Variants in UPP2 observed in about 807,000 individuals in gnomAD.
UPP2 encodes the protein UPase 2.
In UPP2, 23 loss-of-function variants were observed where a neutral mutation model predicts 26.7. The observed-to-expected ratio is 0.86, with a 90% CI of 0.62 to 1.22. The LOEUF (loss-of-function observed/expected upper bound fraction) is 1.22, where lower values mean the gene tolerates loss of function less well. Among genes scored for constraint, UPP2 ranks in the 50% most tolerant of loss-of-function variants. The probability of loss-of-function intolerance (pLI) is 0.00; values close to 1 mark genes in which losing one functional copy is unlikely to be tolerated. For missense variants in UPP2, 387 were observed against 396.7 expected, an observed-to-expected ratio of 0.98 and a Z score of 0.21; for synonymous variants, 127 against 141.3, an observed-to-expected ratio of 0.90 and a Z score of 0.72.
At chr2:158,121,758 T>TC (rs1683573301) in intron 5 of UPP2, 140 bp downstream of exon 5, 2 of 750,390 alleles carry the variant, frequency 2.7e-6, no homozygotes, top group Non-Finnish European at 4.3e-6. Flanking sequence ...CAGCCTTTTT[T>TC]ACTTACTAAA....
intron 3 of UPP2, among the ~76,000 whole-genome samples, chr2:158,033,886 G>A (rs974185044): frequency 1.3e-5 from 2 of 151,902 alleles, no homozygotes; most frequent in Non-Finnish European, 2.9e-5. Context: ...TGAGAAGAGT[G>A]CATTGCCCTG....
chr2:158,031,803 T>C (rs1160930374), intron 3 of UPP2, among the ~76,000 whole-genome samples: 2 of 152,166 alleles, frequency 1.3e-5, no homozygotes, highest in East Asian at 3.8e-4. Flanking sequence ...ACATTTTTGG[T>C]TTTCTTCAAA....
intron 1 of UPP2, among the ~76,000 whole-genome samples, chr2:158,102,874 A>G (rs7606365): frequency 0.1 from 15,832 of 152,184 alleles, 1,642 homozygotes; most frequent in African/African-American, 0.27. Flanking sequence ...CCAGGAGAAA[A>G]AGAAAAGGAA....
intron 2 of UPP2, among the ~76,000 whole-genome samples, chr2:158,108,216 C>G (rs1169002617): frequency 6.6e-6 from 1 of 152,148 alleles, no homozygotes; most frequent in Admixed American, 6.5e-5. Context: ...ATATCAGACT[C>G]TGTGTGGCAC....
intron 3 of UPP2, among the ~76,000 whole-genome samples, chr2:158,029,793 T>C (rs1161818889): frequency 6.7e-6 from 1 of 149,086 alleles, no homozygotes; most frequent in South Asian, 2.1e-4. Flanking sequence ...GTCATCTCGT[T>C]TCTTTTTTTT....
chr2:158,075,499 A>G (rs1263146426), intron 3 of UPP2, among the ~76,000 whole-genome samples: 14 of 152,070 alleles, frequency 9.2e-5, no homozygotes, highest in Admixed American at 9.2e-4. Context: ...TTCTCTGACC[A>G]CCATGGAATA....
intron 3 of UPP2, among the ~76,000 whole-genome samples, chr2:158,096,494 G>A (rs1401055897): frequency 6.6e-6 from 1 of 152,182 alleles, no homozygotes; most frequent in Non-Finnish European, 1.5e-5. Context: ...AGCTACTCAG[G>A]AGGCTGAGGC....
At chr2:158,089,507 A>G (rs998715703) in intron 3 of UPP2, among the ~76,000 whole-genome samples, 17 of 152,132 alleles carry the variant, frequency 1.1e-4, no homozygotes, top group African/African-American at 4.1e-4. Context: ...CCCCGACCCC[A>G]ACTTCTGTCC....
At chr2:158,085,762 T>C (rs193265497) in intron 3 of UPP2, among the ~76,000 whole-genome samples, 2,702 of 152,276 alleles carry the variant, frequency 0.018, 31 homozygotes, top group Middle Eastern at 0.034. Context: ...GAGATGATCA[T>C]GTGATTTTTG....
chr2:157,998,550 C>T (rs979032943), intron 2 of UPP2, among the ~76,000 whole-genome samples: 5 of 152,060 alleles, frequency 3.3e-5, no homozygotes, highest in Non-Finnish European at 7.4e-5. Flanking sequence ...GCCTGTAATC[C>T]CAGCATTTTG....
At chr2:158,102,210 T>G in intron 1 of UPP2, 85 bp downstream of exon 1, 1 of 1,415,612 alleles carries the variant, frequency 7.1e-7, no homozygotes, top group Non-Finnish European at 9.5e-7. Flanking sequence ...AATGGGCCTC[T>G]ACAGTTAAGC....
chr2:158,096,382 T>A (rs922255963), intron 3 of UPP2, among the ~76,000 whole-genome samples: 1 of 152,196 alleles, frequency 6.6e-6, no homozygotes, highest in African/African-American at 2.4e-5. Flanking sequence ...GCGGATTACC[T>A]GAGGTCAGGA....
At chr2:158,026,951 T>C (rs1447993485) in intron 3 of UPP2, among the ~76,000 whole-genome samples, 3 of 152,154 alleles carry the variant, frequency 2.0e-5, no homozygotes, top group Non-Finnish European at 2.9e-5. Context: ...ACTTATTCGC[T>C]ACTACGAGAA....
At chr2:158,049,314 C>T (rs1682107020) in intron 3 of UPP2, among the ~76,000 whole-genome samples, 1 of 152,160 alleles carries the variant, frequency 6.6e-6, no homozygotes, top group Non-Finnish European at 1.5e-5. Flanking sequence ...GTGCATCTGT[C>T]AGTGGCATGC....
Position 158,121,226 on chromosome 2 carries a change from C to T in UPP2, c.455-183C>T, listed in dbSNP as rs115935287. ...CATTGTAAATGTGCATTTGAAAAGA[C>T]AACAAATGTAAATGCCTCTTCTGAA... On this transcript the variant is annotated intron_variant, in intron 4 of 6. Coordinates refer to ENST00000005756, the MANE Select transcript of UPP2 (RefSeq NM_173355.4). Among the ~76,000 whole-genome samples the T allele has an allele frequency of 1.6e-3, 241 of 151,962 alleles. 1 individual carries two copies. The highest frequency in any genetic ancestry group is 2.8e-3 in the Non-Finnish European group (188 of 67,878).
At chr2:158,075,389 T>A (rs1313755904) in intron 3 of UPP2, among the ~76,000 whole-genome samples, 1 of 152,032 alleles carries the variant, frequency 6.6e-6, no homozygotes, top group Non-Finnish European at 1.5e-5. Flanking sequence ...GGCTGCAGAA[T>A]ACACATTTTT....
chr2:158,017,182 T>C (rs1328975434), intron 3 of UPP2, among the ~76,000 whole-genome samples: 1 of 152,202 alleles, frequency 6.6e-6, no homozygotes, highest in African/African-American at 2.4e-5. Flanking sequence ...CTTAAGACCC[T>C]GTTAAATAAC....
intron 3 of UPP2, among the ~76,000 whole-genome samples, chr2:158,052,943 G>A (rs1682183719): frequency 6.6e-6 from 1 of 152,156 alleles, no homozygotes; most frequent in African/African-American, 2.4e-5. Context: ...ACAGGCATTG[G>A]GTCAGATTTG....
In UPP2 at chr2:158,013,551, G is replaced by C. The variant is rs530581950; in HGVS notation, c.62-2250G>C. 1.3e-4 allele frequency among the ~76,000 whole-genome samples: 20 copies of C among 152,290 alleles called. 1 individual carries two copies. The highest frequency in any genetic ancestry group is 1.2e-3 in the Admixed American group (19 of 15,302). ...TTTGTGACTTTTTCTCTCTTGCTCT[G>C]GTAAAATGTAAACAGAAGCAAAACC... On this transcript the variant is annotated intron_variant, in intron 2 of 9. Transcript: ENST00000605860.
Sources: allele counts gnomAD v4.1 joint callset (sites outside exome capture counted in the v4.1 genomes callset), GRCh38; gene constraint gnomAD v4.1.1; transcripts MANE v1.5; gene names NCBI Gene and HGNC (gene_info 2026-07-23, HGNC 2026-07-21).